Variants in SLC24A2 observed in about 807,000 individuals in gnomAD.
SLC24A2 encodes solute carrier family 24 member 2.
A neutral mutation model predicts 62.0 loss-of-function variants in SLC24A2; 36 were observed. The observed-to-expected ratio is 0.58, with a 90% confidence interval of 0.44 to 0.77. The LOEUF (loss-of-function observed/expected upper bound fraction) is 0.77. Among genes scored for constraint, SLC24A2 ranks in the 30% least tolerant of loss-of-function variants. The pLI, the probability that SLC24A2 is intolerant of heterozygous loss-of-function variation, is 0.00. For missense variants in SLC24A2, 846 were observed against 817.9 expected (o/e 1.03, Z -0.42); for synonymous variants, 358 against 294.0 (o/e 1.22, Z -2.23).
the SLC24A2 span, among the ~76,000 whole-genome samples, chr9:20,142,097 T>C: frequency 6.6e-6 from 1 of 152,084 alleles, no homozygotes; most frequent in Non-Finnish European, 1.5e-5. Context: ...ATAATAATTA[T>C]TATTATTTAA....
chr9:19,936,643 A>G, the SLC24A2 span, among the ~76,000 whole-genome samples: 1 of 152,184 alleles, frequency 6.6e-6, no homozygotes, highest in African/African-American at 2.4e-5. Context: ...TAACAGGTTT[A>G]TATATTATTT....
chr9:20,034,451 G>GTTTTTTTT, the SLC24A2 span, among the ~76,000 whole-genome samples: 1 of 83,180 alleles, frequency 1.2e-5, no homozygotes, highest in Non-Finnish European at 2.1e-5. Flanking sequence ...GGCCTTTTAA[G>GTTTTTTTT]TTTTTTTTTT....
intron 2 of SLC24A2, among the ~76,000 whole-genome samples, chr9:19,776,857 C>T (rs1485762941): frequency 1.3e-5 from 2 of 152,076 alleles, no homozygotes; most frequent in Non-Finnish European, 2.9e-5. Context: ...ATAGAAATGA[C>T]CAGCTAAAAA....
At chr9:19,707,411 C>T (rs1293146937) in intron 2 of SLC24A2, among the ~76,000 whole-genome samples, 1 of 152,186 alleles carries the variant, frequency 6.6e-6, no homozygotes, top group Non-Finnish European at 1.5e-5. Flanking sequence ...TTTTATTAGG[C>T]CAGCATCATC....
At chr9:19,543,221 T>G (rs1280714225) in intron 8 of SLC24A2, among the ~76,000 whole-genome samples, 3 of 152,142 alleles carry the variant, frequency 2.0e-5, no homozygotes, top group African/African-American at 7.2e-5. Context: ...TGCATAGAGG[T>G]GTTTATAGTA....
the SLC24A2 span, among the ~76,000 whole-genome samples, chr9:19,816,424 G>C: frequency 2.0e-5 from 3 of 152,144 alleles, no homozygotes; most frequent in African/African-American, 7.2e-5. Flanking sequence ...AAAGGTGTTT[G>C]AGAAATGGGA....
intron 4 of SLC24A2, among the ~76,000 whole-genome samples, chr9:19,601,341 G>A (rs2891135): frequency 0.75 from 113,641 of 152,170 alleles, 42,787 homozygotes; most frequent in South Asian, 0.83. Context: ...TCGAACATGG[G>A]TGGGGACAAA....
At chr9:19,658,716 A>G (rs1341580864) in intron 2 of SLC24A2, among the ~76,000 whole-genome samples, 3 of 152,194 alleles carry the variant, frequency 2.0e-5, no homozygotes, top group Admixed American at 6.5e-5. Context: ...ATTGGACTCA[A>G]TCAATGGGAG....
the SLC24A2 span, among the ~76,000 whole-genome samples, chr9:20,193,866 G>C: frequency 1.3e-5 from 2 of 151,862 alleles, no homozygotes; most frequent in African/African-American, 4.8e-5. Context: ...TGATCCTATC[G>C]GTTGAAAGAA....
At chr9:20,190,046 AG>A in the SLC24A2 span, among the ~76,000 whole-genome samples, 1 of 152,166 alleles carries the variant, frequency 6.6e-6, no homozygotes, top group African/African-American at 2.4e-5. Context: ...AAGCCATGGC[AG>A]GGGTTAATTA....
the SLC24A2 span, among the ~76,000 whole-genome samples, chr9:20,042,361 C>G: frequency 1.3e-5 from 2 of 152,176 alleles, no homozygotes; most frequent in African/African-American, 4.8e-5. Flanking sequence ...GAGAAAGCAT[C>G]AAGGATTTCA....
At chr9:20,066,554 C>T in the SLC24A2 span, among the ~76,000 whole-genome samples, 1 of 152,190 alleles carries the variant, frequency 6.6e-6, no homozygotes, top group African/African-American at 2.4e-5. Flanking sequence ...TTTTTAAGGA[C>T]CTACTTTAAG....
At chr9:20,012,941 G>C in the SLC24A2 span, among the ~76,000 whole-genome samples, 2 of 151,450 alleles carry the variant, frequency 1.3e-5, no homozygotes, top group African/African-American at 4.8e-5. Flanking sequence ...CATACTCACG[G>C]ATTAGAAAAA....
At chr9:19,636,490 G>A (rs1380281420) in intron 2 of SLC24A2, among the ~76,000 whole-genome samples, 2 of 150,210 alleles carry the variant, frequency 1.3e-5, no homozygotes, top group Non-Finnish European at 3.0e-5. Context: ...GCAGTGCAGT[G>A]GTGTGATCTC....
the SLC24A2 span, among the ~76,000 whole-genome samples, chr9:19,821,987 T>C: frequency 6.6e-6 from 1 of 152,154 alleles, no homozygotes; most frequent in South Asian, 2.1e-4. Context: ...TGCTGGGGAC[T>C]TGATATAGTG....
At chr9:20,108,011 AAAC>A in the SLC24A2 span, among the ~76,000 whole-genome samples, 5 of 152,198 alleles carry the variant, frequency 3.3e-5, no homozygotes, top group African/African-American at 1.2e-4. Flanking sequence ...AGAAAAAAAC[AAAC>A]AACCCCATCA....
chr9:19,634,932 C>T (rs1255569665), intron 2 of SLC24A2, among the ~76,000 whole-genome samples: 1 of 152,172 alleles, frequency 6.6e-6, no homozygotes, highest in Non-Finnish European at 1.5e-5. Flanking sequence ...AAGGTTACCA[C>T]TCAATTTTTG....
chr9:20,048,888 C>T, the SLC24A2 span, among the ~76,000 whole-genome samples: 2 of 151,254 alleles, frequency 1.3e-5, no homozygotes, highest in African/African-American at 2.4e-5. Context: ...TTTTTTTCTT[C>T]TTTCCGCTTT....
At chr9:19,535,501 CT>C (rs1413532920) in intron 8 of SLC24A2, among the ~76,000 whole-genome samples, 1 of 152,150 alleles carries the variant, frequency 6.6e-6, no homozygotes, top group East Asian at 1.9e-4. Flanking sequence ...AAGGTGGAGT[CT>C]TTAATCCATC....
Sources: gnomAD v4.1 joint callset for allele counts (sites outside exome capture counted in the v4.1 genomes callset) on GRCh38, gnomAD v4.1.1 for gene constraint, MANE v1.5 for transcripts, NCBI Gene and HGNC (gene_info 2026-07-23, HGNC 2026-07-21) for gene names.